CA9: variants seen among roughly 807,000 people sequenced by gnomAD.
CA9 encodes the protein carbonic anhydrase 9.
A neutral mutation model predicts 51.8 loss-of-function variants in CA9; 43 were observed. The ratio of observed to expected loss-of-function variants is 0.83; its 90% confidence interval spans 0.65 to 1.07. The LOEUF is 1.07. Among genes scored for constraint, CA9 ranks in the 50% least tolerant of loss-of-function variants. The probability of loss-of-function intolerance (pLI) is 0.00; values close to 1 mark genes in which losing one functional copy is unlikely to be tolerated. For synonymous variants in CA9, 253 were observed against 244.2 expected (o/e 1.04, Z -0.34); for missense variants, 574 against 581.4 (o/e 0.99, Z 0.13).
chr9:35,676,335 TGAC>T lies in CA9; in HGVS notation c.789_791del (p.Asp263del). 1 of 1,614,084 alleles carries T rather than the reference TGAC, an allele frequency of 6.2e-7. No homozygotes were observed. The highest frequency in any genetic ancestry group is 8.5e-7 in the Non-Finnish European group (1 of 1,180,012). ...ACCTCAGCACCGCCTTTGCCAGAGT[TGAC>T]GAGGCCTTGGGGCGCCCGGGAGGCC... On this transcript the variant is annotated inframe_deletion, in exon 5 of 11. Coordinates refer to ENST00000378357, the MANE Select transcript of CA9 (RefSeq NM_001216.3).
At position 35,674,011 on chromosome 9, in the gene CA9, G is replaced by A; in HGVS notation, c.52G>A (p.Ala18Thr). The A allele has an allele frequency of 6.2e-7, 1 of 1,613,538 alleles. No individual in the cohort carries two copies. Among genetic ancestry groups the A allele is most frequent in the Non-Finnish European group, 8.5e-7 (1 of 1,179,704 alleles). Residue 18 changes from alanine (A) to threonine (T), a missense_variant, in exon 1 of 11, where the codon GCT becomes ACT. Ala to Thr is a moderately conservative substitution (Grantham distance 58). Transcript: ENST00000378357. ...GCTCCCTCTGTTGATCCCGGCCCCT[G>A]CTCCAGGCCTCACTGTGCAACTGCT... Reference protein sequence around the residue: ...PWLPLLIPAPAPGLTVQLLLS... With the variant: ...PWLPLLIPAPTPGLTVQLLLS...
At chr9:35,680,678 C>A in intron 9 of CA9, 75 bp from the exon 10 acceptor site, 1 of 1,207,682 alleles carries the variant, frequency 8.3e-7, no homozygotes, top group South Asian at 1.3e-5. Context: ...TGGTGGAGTG[C>A]ACTGAGGCAG....
intron 5 of CA9, among the ~76,000 whole-genome samples, chr9:35,676,736 C>T (rs1285729174): frequency 6.6e-6 from 1 of 152,172 alleles, no homozygotes; most frequent in Non-Finnish European, 1.5e-5. Flanking sequence ...GCAGAGGAAA[C>T]AGAATGTGCA....
intron 6 of CA9, among the ~76,000 whole-genome samples, chr9:35,678,346 CAAAAAAA>C (rs11327436): frequency 7.5e-5 from 7 of 93,896 alleles, no homozygotes; most frequent in Non-Finnish European, 1.3e-4. Flanking sequence ...ACTCTTGTCT[CAAAAAAA>C]AAAAAAAAAA....
chr9:35,674,243 T>C lies in CA9; in HGVS notation c.284T>C (p.Leu95Pro). 1 of 1,611,644 alleles carries C rather than the reference T, an allele frequency of 6.2e-7. No individual in the cohort carries two copies. The highest frequency in any genetic ancestry group is 8.5e-7 in the Non-Finnish European group (1 of 1,179,468). Residue 95 changes from leucine to proline, a missense_variant, in exon 1 of 11, where the codon CTA becomes CCA. Transcript: ENST00000378357. ...GAGGATCTACCTGGAGAGGAGGATC[T>C]ACCTGAAGTTAAGCCTAAATCAGAA... ...GEEDLPGEEDLPEVKPKSEEE... is the reference protein window; with the variant it reads ...GEEDLPGEEDPPEVKPKSEEE...
Position 35,677,808 on chromosome 9 carries a change from A to T in CA9, c.859A>T (p.Ser287Cys), listed in dbSNP as rs752019845. The part of the protein sequence containing the change: ...AFLEEGPEEN[S>C]AYEQLLSRLE... ...CCCCCAGGAGGGCCCGGAAGAAAAC[A>T]GTGCCTATGAGCAGTTGCTGTCTCG... Residue 287 changes from serine (S) to cysteine (C), a missense_variant, in exon 6 of 11, where the codon AGT (serine) becomes TGT (cysteine). Physicochemically the swap from Ser to Cys is moderately radical, Grantham distance 112. Coordinates refer to ENST00000378357, the MANE Select transcript of CA9 (RefSeq NM_001216.3). The T allele has an allele frequency of 9.3e-6, 15 of 1,614,014 alleles. No homozygotes were observed. The South Asian group carries it at 1.6e-4, about 18-fold the overall frequency.
At chr9:35,679,059 C>A in intron 6 of CA9, 126 bp from the exon 7 acceptor site, 1 of 986,560 alleles carries the variant, frequency 1.0e-6, no homozygotes, top group South Asian at 1.4e-5. Context: ...AGGGCCTGCA[C>A]TTAGCGAAGA....
In CA9 at chr9:35,676,323, C is replaced by G; in HGVS notation, c.774C>G (p.Ala258=). ...AEIHVVHLST[A]FARVDEALGR... is the part of the protein sequence containing the mutation. Reference sequence around the variant, plus strand: ...TCCACGTGGTTCACCTCAGCACCGCCTTTGCCAGAGTTGACGAGGCCTTGG... The same window carrying G: ...TCCACGTGGTTCACCTCAGCACCGCGTTTGCCAGAGTTGACGAGGCCTTGG... The change falls in exon 5 of 11, where the codon GCC becomes GCG. Residue 258 remains alanine, a synonymous_variant. Coordinates refer to ENST00000378357, the MANE Select transcript of CA9 (RefSeq NM_001216.3). The G allele has an allele frequency of 6.2e-7, 1 of 1,614,114 alleles. No individual in the cohort carries two copies. Among genetic ancestry groups the G allele is most frequent in the Non-Finnish European group, 8.5e-7 (1 of 1,180,034 alleles).
Position 35,674,152 on chromosome 9 carries a change from C to G in CA9, c.193C>G (p.Leu65Val). The change falls in exon 1 of 11, where the codon CTG (leucine) becomes GTG (valine). Residue 65 changes from leucine to valine, a missense_variant. Transcript: ENST00000378357. ...AGATGACCCACTGGGCGAGGAGGAT[C>G]TGCCCAGTGAAGAGGATTCACCCAG... ...GEDDPLGEED[L>V]PSEEDSPREE... 6.2e-7 allele frequency: 1 copy of G among 1,614,114 alleles called. No homozygotes were observed. The highest frequency in any genetic ancestry group is 8.5e-7 in the Non-Finnish European group (1 of 1,179,958).
In CA9 at chr9:35,674,152, C is replaced by T; in HGVS notation, c.193C>T (p.Leu65=). Residue 65 remains leucine, a synonymous_variant, in exon 1 of 11, where the codon CTG becomes TTG. Coordinates refer to ENST00000378357, the MANE Select transcript of CA9 (RefSeq NM_001216.3). ...GEDDPLGEED[L]PSEEDSPREE... ...AGATGACCCACTGGGCGAGGAGGAT[C>T]TGCCCAGTGAAGAGGATTCACCCAG... The T allele has an allele frequency of 3.1e-6, 5 of 1,614,114 alleles. No individual in the cohort carries two copies. Among genetic ancestry groups the T allele is most frequent in the Non-Finnish European group, 4.2e-6 (5 of 1,179,958 alleles).
intron 5 of CA9, 41 bp downstream of exon 5, chr9:35,676,430 C>G (rs368598098): frequency 9.4e-6 from 14 of 1,495,406 alleles, no homozygotes; most frequent in Non-Finnish European, 1.3e-5. Flanking sequence ...GCTTTCCCAT[C>G]CCATGCTCCT....
chr9:35,678,421 T>A (rs1195435762), intron 6 of CA9, among the ~76,000 whole-genome samples: 1 of 151,918 alleles, frequency 6.6e-6, no homozygotes, highest in African/African-American at 2.4e-5. Context: ...AAATGGTGTT[T>A]GGAATTGTCA....
Position 35,675,769 on chromosome 9 carries a change from C to A in CA9, c.442C>A (p.Pro148Thr). 6.2e-7 allele frequency: 1 copy of A among 1,602,134 alleles called. No homozygotes were observed. ...ATACTCTCCCACCCCAGGCGACCCG[C>A]CCTGGCCCCGGGTGTCCCCAGCCTG... ...QSHWRYGGDP[P>T]WPRVSPACAG... is the part of the protein sequence containing the mutation. Residue 148 changes from proline to threonine, a missense_variant, in exon 3 of 11, where the codon CCC becomes ACC. Coordinates refer to ENST00000378357, the MANE Select transcript of CA9 (RefSeq NM_001216.3).
chr9:35,677,657 A>G, intron 5 of CA9, 133 bp from the exon 6 acceptor site: 1 of 682,104 alleles, frequency 1.5e-6, no homozygotes, highest in South Asian at 1.7e-5. Flanking sequence ...AACAACCATT[A>G]CAATTTTATG....
In CA9 at chr9:35,680,004, G is replaced by C; in HGVS notation, c.1210+6G>C. Reference sequence around the variant, plus strand: ...TCCTCGGGCTGCTGAGCCAGGTACAGCTTTGTCTGGTTTCCCCCCAGCCAG... The same window carrying C: ...TCCTCGGGCTGCTGAGCCAGGTACACCTTTGTCTGGTTTCCCCCCAGCCAG... On this transcript the variant is annotated splice_donor_region_variant and intron_variant, in intron 8 of 10. Coordinates refer to ENST00000378357, the MANE Select transcript of CA9 (RefSeq NM_001216.3). The C allele has an allele frequency of 1.2e-6, 2 of 1,614,216 alleles. No individual in the cohort carries two copies. Among genetic ancestry groups the C allele is most frequent in the South Asian group, 2.2e-5 (2 of 91,084 alleles).
chr9:35,680,688 G>C, intron 9 of CA9, 65 bp from the exon 10 acceptor site: 4 of 1,322,626 alleles, frequency 3.0e-6, no homozygotes, highest in Non-Finnish European at 4.4e-6. Flanking sequence ...CACTGAGGCA[G>C]GTGTTGAGGA....
At position 35,677,787 on chromosome 9, in the gene CA9, C is replaced by A; in HGVS notation, c.841-3C>A. 1.2e-6 allele frequency: 2 copies of A among 1,613,688 alleles called. No individual in the cohort carries two copies. The highest frequency in any genetic ancestry group is 1.7e-6 in the Non-Finnish European group (2 of 1,179,526). On this transcript the variant is annotated splice_polypyrimidine_tract_variant and splice_region_variant and intron_variant, in intron 5 of 10. Coordinates refer to ENST00000378357, the MANE Select transcript of CA9 (RefSeq NM_001216.3). Reference sequence around the variant, plus strand: ...TCATCTGTCTTACAATGTCATCCCCCAGGAGGGCCCGGAAGAAAACAGTGC... The same window carrying A: ...TCATCTGTCTTACAATGTCATCCCCAAGGAGGGCCCGGAAGAAAACAGTGC...
chr9:35,677,501 CCT>C (rs1210748192), intron 5 of CA9, among the ~76,000 whole-genome samples: 2 of 152,040 alleles, frequency 1.3e-5, no homozygotes, highest in Non-Finnish European at 2.9e-5. Flanking sequence ...GGGCTCTCTC[CCT>C]CTCTCTCCAG....
At chr9:35,679,024 T>A (rs960179585) in intron 6 of CA9, among the ~76,000 whole-genome samples, 161 bp from the exon 7 acceptor site, 1 of 152,110 alleles carries the variant, frequency 6.6e-6, no homozygotes, top group Non-Finnish European at 1.5e-5. Flanking sequence ...GCCCTGTACT[T>A]TTTTTTGAGT....
Sources: gnomAD v4.1 joint callset for allele counts (sites outside exome capture counted in the v4.1 genomes callset) on GRCh38, gnomAD v4.1.1 for gene constraint, MANE v1.5 for transcripts, NCBI Gene and HGNC (gene_info 2026-07-23, HGNC 2026-07-21) for gene names.